CEACAM16: variants seen among roughly 807,000 people sequenced by gnomAD.
CEACAM16 encodes CEA cell adhesion molecule 16, tectorial membrane component, also known as cell adhesion molecule CEACAM16.
In CEACAM16, 30 loss-of-function variants were observed where a neutral mutation model predicts 39.4. That is an observed-to-expected ratio of 0.76 (90% CI 0.57 to 1.03). CEACAM16 has a LOEUF of 1.03. Among genes scored for constraint, CEACAM16 ranks in the 50% least tolerant of loss-of-function variants. The pLI, the probability that CEACAM16 is intolerant of heterozygous loss-of-function variation, is 0.00. For synonymous variants in CEACAM16, 262 were observed against 264.9 expected, an observed-to-expected ratio of 0.99 and a Z score of 0.11; for missense variants, 521 against 585.3, an observed-to-expected ratio of 0.89 and a Z score of 1.13.
chr19:44,705,741 A>G lies in CEACAM16; in HGVS notation c.813A>G (p.Leu271=), dbSNP rs1398988051. The change falls in exon 5 of 7, where the codon CTA becomes CTG. Residue 271 remains leucine (L), a synonymous_variant. Coordinates refer to ENST00000587331, the MANE Select transcript of CEACAM16 (RefSeq NM_001039213.4). The part of the protein sequence containing the change: ...EYVWTFNGQA[L]KNGQDHLNIS... ...TGTGGACCTTCAACGGGCAGGCCCTAAAGAACGGCCAAGACCACCTCAACA... is the reference window on the plus strand; with the variant it reads ...TGTGGACCTTCAACGGGCAGGCCCTGAAGAACGGCCAAGACCACCTCAACA... The G allele has an allele frequency of 5.0e-6, 8 of 1,613,916 alleles. No individual in the cohort carries two copies. In the Admixed American group the frequency reaches 5.0e-5, roughly 10 times the overall value.
intron 5 of CEACAM16, 123 bp from the exon 6 acceptor site, chr19:44,707,738 T>G: frequency 5.1e-6 from 4 of 785,134 alleles, no homozygotes; most frequent in Non-Finnish European, 7.8e-6. Context: ...CCTTCCTCAG[T>G]CTCCTTCCCA....
intron 1 of CEACAM16, among the ~76,000 whole-genome samples, chr19:44,700,661 T>C (rs530033127): frequency 1.8e-4 from 28 of 152,310 alleles, no homozygotes; most frequent in Admixed American, 1.5e-3. Flanking sequence ...GCAGAGCTGG[T>C]GTCAAAACTC....
chr19:44,707,657 TA>T (rs539218843), intron 5 of CEACAM16, among the ~76,000 whole-genome samples: 143 of 152,242 alleles, frequency 9.4e-4, no homozygotes, highest in African/African-American at 3.3e-3. Context: ...TGTAGTCTGA[TA>T]GGGGAAACAC....
At chr19:44,708,311 C>T (rs1227713086) in intron 6 of CEACAM16, 124 bp downstream of exon 6, 2 of 1,016,044 alleles carry the variant, frequency 2.0e-6, no homozygotes, top group Non-Finnish European at 2.8e-6. Context: ...CCCCATCAGG[C>T]TGAAGGAAGC....
At position 44,701,512 on chromosome 19, in the gene CEACAM16, C is replaced by A. The variant is rs755658309; in HGVS notation, c.37+19C>A. The A allele has an allele frequency of 6.4e-7, 1 of 1,559,424 alleles. No individual in the cohort carries two copies. The highest frequency in any genetic ancestry group is 1.2e-5 in the South Asian group (1 of 84,574). ...CTCAGTGGTGAGCGAGAATGGCACC[C>A]CCCAGCACCTCAGCCCCCCGAGGAC... On this transcript the variant is annotated intron_variant, in intron 2 of 6. Transcript: ENST00000587331. The surrounding 1 kb of genome is among the most constrained non-coding windows in gnomAD (Gnocchi z 4.0).
intron 5 of CEACAM16, among the ~76,000 whole-genome samples, chr19:44,707,429 G>T (rs1448976940): frequency 1.3e-5 from 2 of 152,194 alleles, no homozygotes; most frequent in African/African-American, 4.8e-5. Flanking sequence ...TGATGGAGGA[G>T]CTATGGCTTA....
chr19:44,708,901 T>C (rs1974492631), intron 6 of CEACAM16, among the ~76,000 whole-genome samples: 1 of 148,924 alleles, frequency 6.7e-6, no homozygotes, highest in African/African-American at 2.5e-5. Flanking sequence ...TCTCCCCCAT[T>C]GGATTGGGAA....
chr19:44,704,221 G>C lies in CEACAM16; in HGVS notation c.586G>C (p.Ala196Pro). The C allele has an allele frequency of 6.5e-7, 1 of 1,550,176 alleles. No homozygotes were observed. Among genetic ancestry groups the C allele is most frequent in the African/African-American group, 1.4e-5 (1 of 73,284 alleles). ...CAGGCATGGCATCCGCCGGGAGGAG[G>C]CCGGCGCCTATCAGTGTGAGGTGTG... Reference protein sequence around the residue: ...LARHGIRREEAGAYQCEVWNP... With the variant: ...LARHGIRREEPGAYQCEVWNP... Residue 196 changes from alanine to proline, a missense_variant, in exon 4 of 7, where the codon GCC becomes CCC. Coordinates refer to ENST00000587331, the MANE Select transcript of CEACAM16 (RefSeq NM_001039213.4).
intron 6 of CEACAM16, among the ~76,000 whole-genome samples, 164 bp from the exon 7 acceptor site, chr19:44,710,332 G>A (rs924841772): frequency 2.6e-5 from 4 of 152,074 alleles, no homozygotes; most frequent in African/African-American, 7.2e-5. Context: ...AAGGACCAAC[G>A]CTACCTTCCT....
chr19:44,709,513 G>A (rs181899537), intron 6 of CEACAM16, among the ~76,000 whole-genome samples: 1,279 of 107,054 alleles, frequency 0.012, 39 homozygotes, highest in African/African-American at 0.026. Flanking sequence ...CCAGAGTCAG[G>A]GACCATGTCT....
intron 2 of CEACAM16, among the ~76,000 whole-genome samples, chr19:44,702,292 C>CAA (rs965379002): frequency 5.2e-5 from 7 of 134,450 alleles, no homozygotes; most frequent in African/African-American, 1.6e-4. Flanking sequence ...GACTCCATCT[C>CAA]AAAAAAAAAA....
intron 1 of CEACAM16, among the ~76,000 whole-genome samples, chr19:44,700,453 A>T (rs187067867): frequency 3.3e-5 from 5 of 151,748 alleles, no homozygotes; most frequent in East Asian, 3.9e-4. Context: ...TATTATTATT[A>T]TTTTTAGTAG....
chr19:44,705,570 T>C lies in CEACAM16; in HGVS notation c.662-20T>C, dbSNP rs1392780312. On this transcript the variant is annotated intron_variant, in intron 4 of 6. Coordinates refer to ENST00000587331, the MANE Select transcript of CEACAM16 (RefSeq NM_001039213.4). ...CTCCTTCCCTCTACTGCCCCATCTATCTCCCTCCTGCCCCCACAGTTGGCC... is the reference window on the plus strand; with the variant it reads ...CTCCTTCCCTCTACTGCCCCATCTACCTCCCTCCTGCCCCCACAGTTGGCC... The C allele has an allele frequency of 6.3e-7, 1 of 1,575,974 alleles. No homozygotes were observed. The highest frequency in any genetic ancestry group is 1.2e-5 in the South Asian group (1 of 85,548).
chr19:44,703,365 G>A lies in CEACAM16; in HGVS notation c.54G>A (p.Val18=). 1 of 1,609,808 alleles carries A rather than the reference G, an allele frequency of 6.2e-7. No individual in the cohort carries two copies. The highest frequency in any genetic ancestry group is 1.7e-5 in the Admixed American group (1 of 59,946). Residue 18 remains valine, a synonymous_variant, in exon 3 of 7, where the codon GTG becomes GTA. Coordinates refer to ENST00000587331, the MANE Select transcript of CEACAM16 (RefSeq NM_001039213.4). ...WLLLSATFLN[V]GAEISITLEP... is the part of the protein sequence containing the mutation. ...CTTCCTCAGCCACATTCCTGAATGT[G>A]GGGGCCGAGATCTCTATCACCCTGG...
At chr19:44,703,216 T>G in intron 2 of CEACAM16, 133 bp from the exon 3 acceptor site, 1 of 719,026 alleles carries the variant, frequency 1.4e-6, no homozygotes, top group South Asian at 2.3e-5. Flanking sequence ...GTTCAAATCC[T>G]GGTTTTGCCT....
At position 44,710,620 on chromosome 19, in the gene CEACAM16, T is replaced by C. The variant is rs1974522476; in HGVS notation, c.*114T>C. 6 of 1,457,328 alleles carry C rather than the reference T, an allele frequency of 4.1e-6. No individual in the cohort carries two copies. In the Admixed American group the frequency reaches 5.1e-5, roughly 12 times the overall value. The allele number at this position is 1,457,328 out of a possible 1,614,324, so 90.3% of individuals were successfully genotyped here. A position where few individuals can be genotyped will look rare whatever the true frequency, so the allele number is the denominator to read the frequency against. On this transcript the variant is annotated 3_prime_UTR_variant, in exon 7 of 7. Coordinates refer to ENST00000587331, the MANE Select transcript of CEACAM16 (RefSeq NM_001039213.4). ...CGAGGATGCCAGGCTGTGGTCCTGC[T>C]GTTCTCCTGCCTCCACCCTAGAGCT...
At chr19:44,706,013 G>C in intron 5 of CEACAM16, 145 bp downstream of exon 5, 1 of 1,010,482 alleles carries the variant, frequency 9.9e-7, no homozygotes, top group South Asian at 1.6e-5. Context: ...TGGCATATCA[G>C]GCAGATCTGT....
rs1422507427 is a variant in CEACAM16 at position 44,703,676 on chromosome 19, G to A, written c.365G>A (p.Gly122Glu). 2.6e-6 allele frequency: 4 copies of A among 1,551,102 alleles called. No homozygotes were observed. The highest frequency in any genetic ancestry group is 3.5e-6 in the Non-Finnish European group (4 of 1,144,746). ...CAGTTGCAGACCGAGGTGGGCTACG[G>A]ACACGTGCAGGTCCATGGTGAGACA... ...NRQLQTEVGY[G>E]HVQVHEILAQ... The change falls in exon 3 of 7, where the codon GGA becomes GAA. Residue 122 changes from glycine (G) to glutamate (E), a missense_variant. By Grantham distance (98) the Gly-to-Glu change is moderately conservative. Transcript: ENST00000587331.
At chr19:44,699,447 A>G in intron 1 of CEACAM16, 187 bp downstream of exon 1, 1 of 466,676 alleles carries the variant, frequency 2.1e-6, no homozygotes, top group South Asian at 1.6e-5. Flanking sequence ...TTTTTTTGAG[A>G]TGGAGTTTCA....
Sources: gnomAD v4.1 joint callset for allele counts (sites outside exome capture counted in the v4.1 genomes callset) on GRCh38, gnomAD v4.1.1 for gene constraint, Gnocchi (gnomAD v3.1) non-coding constraint, MANE v1.5 for transcripts, NCBI Gene and HGNC (gene_info 2026-07-23, HGNC 2026-07-21) for gene names.